Variants in PRDM15 observed in about 807,000 individuals in gnomAD.
The protein encoded by PRDM15 is PR domain zinc finger protein 15.
In PRDM15, 64 loss-of-function variants were observed where a neutral mutation model predicts 128.6. The ratio of observed to expected loss-of-function variants is 0.50; its 90% CI spans 0.41 to 0.61. The LOEUF (loss-of-function observed/expected upper bound fraction) is 0.61. Among genes scored for constraint, PRDM15 ranks in the 20% least tolerant of loss-of-function variants. The probability of loss-of-function intolerance (pLI) is 0.00; values close to 1 mark genes in which losing one functional copy is unlikely to be tolerated. For missense variants in PRDM15, 1,242 were observed against 1,569.1 expected, an observed-to-expected ratio of 0.79 and a Z score of 3.52; for synonymous variants, 615 against 621.8, an observed-to-expected ratio of 0.99 and a Z score of 0.16.
At chr21:41,820,323 G>A (rs974165763) in intron 16 of PRDM15, 149 bp from the exon 17 acceptor site, 24 of 650,266 alleles carry the variant, frequency 3.7e-5, no homozygotes, top group South Asian at 7.2e-5. Context: ...CCTCTGCCAC[G>A]GGCTCAATCG....
chr21:41,829,720 G>A (rs1187719724), intron 11 of PRDM15, among the ~76,000 whole-genome samples: 3 of 140,578 alleles, frequency 2.1e-5, no homozygotes, highest in Non-Finnish European at 4.6e-5. Flanking sequence ...CCACACACAC[G>A]AGCCCCACAT....
intron 11 of PRDM15, among the ~76,000 whole-genome samples, chr21:41,834,213 G>C (rs2062789914): frequency 6.8e-6 from 1 of 146,410 alleles, no homozygotes; most frequent in African/African-American, 2.5e-5. Flanking sequence ...TCCAACCCCA[G>C]GAAGAAGGCA....
At chr21:41,836,287 C>A in intron 9 of PRDM15, 80 bp from the exon 10 acceptor site, 1 of 1,393,326 alleles carries the variant, frequency 7.2e-7, no homozygotes, top group Non-Finnish European at 1.0e-6. Flanking sequence ...GGAAATGCCC[C>A]ACAAGCCGCC....
chr21:41,826,997 G>A (rs1293197279), intron 12 of PRDM15, among the ~76,000 whole-genome samples: 2 of 152,182 alleles, frequency 1.3e-5, no homozygotes, highest in South Asian at 4.1e-4. Flanking sequence ...TGCCATGTGC[G>A]GGGTCCTGTG....
intron 1 of PRDM15, chr21:41,867,358 A>G: frequency 6.2e-7 from 1 of 1,613,730 alleles, no homozygotes; most frequent in Non-Finnish European, 8.5e-7. Flanking sequence ...TCCCCCAGGA[A>G]AAGTTTTGTG....
chr21:41,854,514 C>T lies in PRDM15; in HGVS notation c.538+52G>A. The T allele has an allele frequency of 1.9e-6, 3 of 1,602,180 alleles. No individual in the cohort carries two copies. Among genetic ancestry groups the T allele is most frequent in the Non-Finnish European group, 2.5e-6 (3 of 1,178,466 alleles). On this transcript the variant is annotated intron_variant, in intron 5 of 23. Transcript: ENST00000398548. The surrounding 1 kb of genome is among the most constrained non-coding windows in gnomAD (Gnocchi z 4.6). ...GCACAGAGCCAAGGGACCATAACCC[C>T]TTCGGCGAGGCACAAGGGAAGGTGG...
At chr21:41,871,257 A>G (rs900107822) in intron 1 of PRDM15, among the ~76,000 whole-genome samples, 8 of 152,112 alleles carry the variant, frequency 5.3e-5, no homozygotes, top group African/African-American at 1.7e-4. Context: ...ATTAAATACA[A>G]TGCTTTCTTC....
chr21:41,851,569 G>A (rs921570396), intron 5 of PRDM15, among the ~76,000 whole-genome samples: 1 of 152,206 alleles, frequency 6.6e-6, no homozygotes, highest in African/African-American at 2.4e-5. Flanking sequence ...TGTGGCGGGG[G>A]CGCTGACGCG....
At chr21:41,877,240 T>C in intron 1 of PRDM15, 1 of 151,900 alleles carries the variant, frequency 6.6e-6, no homozygotes, top group South Asian at 2.0e-4. Flanking sequence ...CCTGCCCTCC[T>C]TCCTTTCTTC....
chr21:41,874,136 T>C (rs1005995767), intron 1 of PRDM15, among the ~76,000 whole-genome samples: 3 of 148,432 alleles, frequency 2.0e-5, no homozygotes, highest in Non-Finnish European at 3.0e-5. Flanking sequence ...CTGCTCTAAC[T>C]GGCTGTCCTG....
Position 41,859,456 on chromosome 21 carries a change from C to A in PRDM15, c.131+136G>T, listed in dbSNP as rs915343005. ...AACGCTGCTCAGTTCACAGTGGGAG[C>A]GGAATCGCTGGCTCTCACTCAGAGT... On this transcript the variant is annotated intron_variant, in intron 3 of 23. Transcript: ENST00000398548. The surrounding 1 kb of genome is among the most constrained non-coding windows in gnomAD (Gnocchi z 5.3). 1 of 752,836 alleles carries A rather than the reference C, an allele frequency of 1.3e-6. No individual in the cohort carries two copies. Among genetic ancestry groups the A allele is most frequent in the Non-Finnish European group, 2.2e-6 (1 of 463,004 alleles). 46.6% of individuals were successfully genotyped at this position (752,836 alleles called of 1,614,324 possible).
chr21:41,858,631 C>T (rs540132171), intron 3 of PRDM15, among the ~76,000 whole-genome samples: 1 of 152,366 alleles, frequency 6.6e-6, no homozygotes, highest in East Asian at 1.9e-4. Flanking sequence ...GCCCAGAGCA[C>T]AGGCCCCTCA....
At chr21:41,819,968 C>A (rs2062194150) in intron 17 of PRDM15, 127 bp downstream of exon 17, 1 of 848,366 alleles carries the variant, frequency 1.2e-6, no homozygotes, top group South Asian at 1.6e-5. Flanking sequence ...GCTGGAGAAA[C>A]AGAGGAAGGC....
intron 13 of PRDM15, 130 bp downstream of exon 13, chr21:41,825,830 A>C (rs1456575461): frequency 1.5e-6 from 1 of 689,446 alleles, no homozygotes; most frequent in African/African-American, 1.8e-5. Context: ...CCAGTTTAAG[A>C]CAACCTGAGC....
In PRDM15 at chr21:41,828,218, C is replaced by A; in HGVS notation, c.1482G>T (p.Lys494Asn). 1 of 1,614,102 alleles carries A rather than the reference C, an allele frequency of 6.2e-7. No individual in the cohort carries two copies. The highest frequency in any genetic ancestry group is 1.1e-5 in the South Asian group (1 of 91,090). Residue 494 changes from lysine (K) to asparagine (N), a missense_variant, in exon 12 of 24, where the codon AAG becomes AAT. Transcript: ENST00000398548. This position sits in a 1 kb window ranked among gnomAD's most constrained non-coding sequence, Gnocchi z 5.7. Reference protein sequence around the residue: ...DKKFACEVCSKMFYRKDVMLD... With the variant: ...DKKFACEVCSNMFYRKDVMLD... Reference sequence around the variant, plus strand: ...GCATGACGTCCTTGCGGTAGAACATCTTGCTGCAGACCTCACAGGCAAACT... The same window carrying A: ...GCATGACGTCCTTGCGGTAGAACATATTGCTGCAGACCTCACAGGCAAACT...
intron 6 of PRDM15, among the ~76,000 whole-genome samples, chr21:41,844,104 C>T (rs542673982): frequency 1.3e-3 from 200 of 152,234 alleles, no homozygotes; most frequent in African/African-American, 4.6e-3. Flanking sequence ...TCCAACACTT[C>T]CTACACCAAC....
rs376196876 is a variant in PRDM15, at chr21:41,801,609, G to C, written c.3057C>G (p.Leu1019=). Residue 1019 remains leucine, a synonymous_variant, in exon 24 of 24, where the codon CTC becomes CTG. Transcript: ENST00000398548. ...TTAAATQFTN[L]QPVAVGHLTT... The stretch of plus-strand genomic sequence containing the variant: ...TAAGGTGCCCCACGGCCACCGGCTG[G>C]AGATTGGTAAACTGAGTCGCGGCCG... 3.7e-6 allele frequency: 6 copies of C among 1,614,088 alleles called. No homozygotes were observed. In the African/African-American group the frequency reaches 8.0e-5, roughly 22 times the overall value.
chr21:41,803,560 G>A (rs998979883), intron 22 of PRDM15, among the ~76,000 whole-genome samples: 4 of 152,192 alleles, frequency 2.6e-5, no homozygotes, highest in Non-Finnish European at 5.9e-5. Flanking sequence ...CACTCCTCTT[G>A]GGCTTCCTGT....
rs2061851204 is a variant in PRDM15, at chr21:41,811,193, C to G, written c.2393-357G>C. 1 of 226,578 alleles carries G rather than the reference C, an allele frequency of 4.4e-6. No individual in the cohort carries two copies. The highest frequency in any genetic ancestry group is 2.2e-5 in the African/African-American group (1 of 45,364). 14.0% of individuals were successfully genotyped at this position (226,578 alleles called of 1,614,324 possible). A position where few individuals can be genotyped will look rare whatever the true frequency, so the allele number is the denominator to read the frequency against. On this transcript the variant is annotated intron_variant, in intron 19 of 23. Transcript: ENST00000398548. The surrounding 1 kb of genome is among the most constrained non-coding windows in gnomAD (Gnocchi z 4.1). ...CTTAGTCCAGGAAGCTCTTAGGCAGCACATGTGATATTACAATGAGAGAGG... is the reference window on the plus strand; with the variant it reads ...CTTAGTCCAGGAAGCTCTTAGGCAGGACATGTGATATTACAATGAGAGAGG...
Sources: allele counts gnomAD v4.1 joint callset (sites outside exome capture counted in the v4.1 genomes callset), GRCh38; gene constraint gnomAD v4.1.1; non-coding constraint Gnocchi (gnomAD v3.1); transcripts MANE v1.5; gene names NCBI Gene and HGNC (gene_info 2026-07-23, HGNC 2026-07-21).